The following CCSER1 variants were observed in gnomAD, a reference collection of about 807,000 sequenced individuals.
CCSER1 encodes the protein coiled-coil serine rich protein 1, also known as serine-rich coiled-coil domain-containing protein 1.
In CCSER1, 41 loss-of-function variants were observed where a neutral mutation model predicts 82.0. That is an observed-to-expected ratio of 0.50 (90% CI 0.39 to 0.65). The LOEUF is 0.65. Ranked by LOEUF, CCSER1 falls within the 30% of genes least tolerant of loss-of-function variation. The pLI, the probability that CCSER1 is intolerant of heterozygous loss-of-function variation, is 0.00. For synonymous variants in CCSER1, 414 were observed against 383.9 expected, an observed-to-expected ratio of 1.08 and a Z score of -0.92; for missense variants, 1,119 against 1,064.2, an observed-to-expected ratio of 1.05 and a Z score of -0.72.
At chr4:90,184,378 C>T (rs373618959) in intron 1 of CCSER1, among the ~76,000 whole-genome samples, 5 of 151,964 alleles carry the variant, frequency 3.3e-5, no homozygotes, top group African/African-American at 7.3e-5. Flanking sequence ...CCAAAATGTT[C>T]GGTGGGGATG....
chr4:90,749,681 C>T (rs1748227785), intron 7 of CCSER1, among the ~76,000 whole-genome samples: 1 of 152,054 alleles, frequency 6.6e-6, no homozygotes, highest in South Asian at 2.1e-4. Flanking sequence ...TTTGTTAATC[C>T]AGTCTATCAT....
intron 10 of CCSER1, among the ~76,000 whole-genome samples, chr4:91,159,206 T>C (rs955628585): frequency 6.6e-6 from 1 of 151,986 alleles, no homozygotes; most frequent in African/African-American, 2.4e-5. Context: ...ATACTTTGGA[T>C]AATACTATTT....
chr4:90,904,102 C>A (rs72665408), intron 8 of CCSER1, among the ~76,000 whole-genome samples: 1 of 151,892 alleles, frequency 6.6e-6, no homozygotes, highest in Non-Finnish European at 1.5e-5. Flanking sequence ...GTTTCTTTGA[C>A]TCTTGGTCTT....
intron 9 of CCSER1, among the ~76,000 whole-genome samples, chr4:90,976,061 T>C (rs988875403): frequency 6.6e-6 from 1 of 151,246 alleles, no homozygotes; most frequent in Non-Finnish European, 1.5e-5. Flanking sequence ...AGTCAGAGGT[T>C]TATCTCCGAA....
intron 7 of CCSER1, among the ~76,000 whole-genome samples, chr4:90,811,907 A>G (rs1305910366): frequency 1.3e-5 from 1 of 75,276 alleles, no homozygotes. Flanking sequence ...TGGAATATAT[A>G]TATACACACA....
At chr4:91,458,914 A>G (rs1353475073) in intron 10 of CCSER1, among the ~76,000 whole-genome samples, 2 of 152,150 alleles carry the variant, frequency 1.3e-5, no homozygotes, top group Non-Finnish European at 2.9e-5. Context: ...TTAAAAATAT[A>G]TGACCTCCTC....
chr4:91,024,009 G>C lies in CCSER1; in HGVS notation c.2173-61941G>C, dbSNP rs561851681. Among the ~76,000 whole-genome samples the C allele has an allele frequency of 1.6e-4, 25 of 152,228 alleles. No homozygotes were observed. In the East Asian group the frequency reaches 4.8e-3, roughly 29 times the overall value. ...AAAGTCAAGGGGGTGCATCTGGTGAGAGCTGAAGGCAGCACAGTGTATCCC... is the reference window on the plus strand; with the variant it reads ...AAAGTCAAGGGGGTGCATCTGGTGACAGCTGAAGGCAGCACAGTGTATCCC... On this transcript the variant is annotated intron_variant, in intron 9 of 10. Coordinates refer to ENST00000509176, the MANE Select transcript of CCSER1 (RefSeq NM_001145065.2).
At chr4:90,839,056 G>T (rs202106356) in intron 8 of CCSER1, 1 of 1,610,496 alleles carries the variant, frequency 6.2e-7, no homozygotes, top group Admixed American at 1.7e-5. Flanking sequence ...AGGAAAAGCG[G>T]AGCGAGGCGC....
intron 5 of CCSER1, among the ~76,000 whole-genome samples, chr4:90,490,296 G>C (rs1333316190): frequency 6.6e-6 from 1 of 152,088 alleles, no homozygotes; most frequent in Non-Finnish European, 1.5e-5. Flanking sequence ...TTTTTCATGT[G>C]TCTTTTGGCT....
intron 10 of CCSER1, among the ~76,000 whole-genome samples, chr4:91,102,743 T>C (rs1725207677): frequency 6.6e-6 from 1 of 152,240 alleles, no homozygotes; most frequent in African/African-American, 2.4e-5. Context: ...CATGTAATTA[T>C]TTCTTGCTCT....
At chr4:90,661,380 G>A (rs1379105375) in intron 6 of CCSER1, among the ~76,000 whole-genome samples, 1 of 152,138 alleles carries the variant, frequency 6.6e-6, no homozygotes, top group Non-Finnish European at 1.5e-5. Flanking sequence ...CTTCAGGAGT[G>A]TGCAGTTGCT....
intron 8 of CCSER1, among the ~76,000 whole-genome samples, chr4:90,913,513 G>T (rs1160669612): frequency 6.6e-6 from 1 of 152,100 alleles, no homozygotes; most frequent in Non-Finnish European, 1.5e-5. Context: ...GAAAGGAACA[G>T]CCAATACCAG....
chr4:91,568,047 A>T (rs1762980779), intron 10 of CCSER1, among the ~76,000 whole-genome samples: 1 of 152,182 alleles, frequency 6.6e-6, no homozygotes, highest in East Asian at 1.9e-4. Flanking sequence ...TCTGGTGGTA[A>T]TGAATTCCTT....
At chr4:91,149,244 A>G (rs1325065548) in intron 10 of CCSER1, among the ~76,000 whole-genome samples, 4 of 152,154 alleles carry the variant, frequency 2.6e-5, no homozygotes, top group African/African-American at 4.8e-5. Flanking sequence ...GATGATGAGC[A>G]TTTGTTCATG....
At chr4:90,618,864 C>G (rs1429139092) in intron 5 of CCSER1, among the ~76,000 whole-genome samples, 1 of 151,474 alleles carries the variant, frequency 6.6e-6, no homozygotes, top group Admixed American at 6.6e-5. Flanking sequence ...TTTCAAAAAG[C>G]AAAAATAAAA....
chr4:90,761,900 T>A (rs1000114613), intron 7 of CCSER1, among the ~76,000 whole-genome samples: 1 of 152,100 alleles, frequency 6.6e-6, no homozygotes, highest in Non-Finnish European at 1.5e-5. Context: ...CTGATTTCTG[T>A]AGCCATTTCT....
intron 10 of CCSER1, among the ~76,000 whole-genome samples, chr4:91,461,392 C>T (rs1364598577): frequency 6.6e-6 from 1 of 151,948 alleles, no homozygotes; most frequent in East Asian, 1.9e-4. Context: ...AGTAGAGTAC[C>T]TAAGACCACA....
intron 10 of CCSER1, among the ~76,000 whole-genome samples, chr4:91,379,948 G>A (rs1034830441): frequency 6.6e-6 from 1 of 151,944 alleles, no homozygotes; most frequent in Non-Finnish European, 1.5e-5. Context: ...TATGTTGTGT[G>A]TTTGTTCTTG....
At chr4:91,301,706 A>G (rs1744681334) in intron 10 of CCSER1, among the ~76,000 whole-genome samples, 1 of 151,934 alleles carries the variant, frequency 6.6e-6, no homozygotes, top group Admixed American at 6.6e-5. Flanking sequence ...AGAAAGTCAC[A>G]TTCACCAATG....
Sources: allele counts gnomAD v4.1 joint callset (sites outside exome capture counted in the v4.1 genomes callset), GRCh38; gene constraint gnomAD v4.1.1; transcripts MANE v1.5; gene names NCBI Gene and HGNC (gene_info 2026-07-23, HGNC 2026-07-21).